BEND6: variants seen among roughly 807,000 people sequenced by gnomAD.
BEND6 encodes the protein BEN domain-containing protein 6.
In BEND6, 24 loss-of-function variants were observed where a neutral mutation model predicts 31.8. The observed-to-expected ratio is 0.75, with a 90% CI of 0.55 to 1.06. The LOEUF is 1.06. Ranked by LOEUF, BEND6 falls within the 50% of genes least tolerant of loss-of-function variation. The probability of loss-of-function intolerance (pLI) is 0.00; values close to 1 mark genes in which losing one functional copy is unlikely to be tolerated. For synonymous variants in BEND6, 109 were observed against 114.6 expected (o/e 0.95, Z 0.31); for missense variants, 294 against 327.4 (o/e 0.90, Z 0.79).
At chr6:56,996,649 C>T (rs567240950) in intron 3 of BEND6, among the ~76,000 whole-genome samples, 1 of 152,290 alleles carries the variant, frequency 6.6e-6, no homozygotes, top group East Asian at 1.9e-4. Flanking sequence ...CTAATGTTAA[C>T]TTCATTGTTC....
At chr6:57,025,663 C>T (rs1425922381) in intron 6 of BEND6, among the ~76,000 whole-genome samples, 1 of 152,338 alleles carries the variant, frequency 6.6e-6, no homozygotes, top group South Asian at 2.1e-4. Flanking sequence ...ACCTTGATCT[C>T]ACTTTTTGCA....
chr6:57,000,449 G>A (rs139897669), intron 3 of BEND6, among the ~76,000 whole-genome samples: 8 of 151,928 alleles, frequency 5.3e-5, no homozygotes, highest in Admixed American at 2.0e-4. Flanking sequence ...CAAACACTGC[G>A]GAAGGCCTAG....
At chr6:56,990,314 A>G (rs987259045) in intron 2 of BEND6, among the ~76,000 whole-genome samples, 2 of 135,166 alleles carry the variant, frequency 1.5e-5, no homozygotes, top group East Asian at 2.2e-4. Flanking sequence ...TGATGTGATC[A>G]TGGCTCACCA....
At chr6:56,964,415 G>A (rs746074091) in intron 1 of BEND6, among the ~76,000 whole-genome samples, 2 of 152,084 alleles carry the variant, frequency 1.3e-5, no homozygotes, top group Non-Finnish European at 2.9e-5. Flanking sequence ...CCTGCTGACT[G>A]TTCTAACAAC....
rs1828886073 is a variant in BEND6 at position 57,017,192 on chromosome 6, TTCTTA to T, written c.520-10_520-6del. ...ACTTTCTTTTTCCAACTTCAACTCT[TTCTTA>T]TCTTTTTAGTTCCAGATTGAAAAAT... On this transcript the variant is annotated splice_polypyrimidine_tract_variant and intron_variant, in intron 4 of 6. Transcript: ENST00000370746. The T allele has an allele frequency of 6.4e-6, 10 of 1,565,636 alleles. No individual in the cohort carries two copies. The highest frequency in any genetic ancestry group is 1.9e-5 in the Admixed American group (1 of 53,078).
At chr6:56,970,488 G>A (rs1825655230) in intron 1 of BEND6, among the ~76,000 whole-genome samples, 1 of 152,080 alleles carries the variant, frequency 6.6e-6, no homozygotes, top group South Asian at 2.1e-4. Context: ...ACCACATATT[G>A]TAAGTGTTAT....
chr6:57,018,606 T>G, intron 6 of BEND6, 49 bp downstream of exon 6: 2 of 1,384,856 alleles, frequency 1.4e-6, no homozygotes, highest in Non-Finnish European at 9.5e-7. Flanking sequence ...GAAAATGTCA[T>G]AATACTTTTA....
intron 1 of BEND6, among the ~76,000 whole-genome samples, chr6:56,967,928 C>T (rs567642850): frequency 1.5e-4 from 23 of 152,298 alleles, no homozygotes; most frequent in African/African-American, 5.3e-4. Flanking sequence ...GTTCCTACCA[C>T]AAAGGGTGTC....
At chr6:56,964,071 A>G (rs1592964813) in intron 1 of BEND6, among the ~76,000 whole-genome samples, 1 of 149,818 alleles carries the variant, frequency 6.7e-6, no homozygotes, top group East Asian at 1.9e-4. Flanking sequence ...ATTATTATAT[A>G]CCTGACATAT....
intron 1 of BEND6, among the ~76,000 whole-genome samples, chr6:56,970,308 C>T (rs953362724): frequency 6.6e-6 from 1 of 152,038 alleles, no homozygotes; most frequent in Non-Finnish European, 1.5e-5. Flanking sequence ...CATTCTTATG[C>T]CTCAGCCTCC....
At chr6:56,987,909 A>C (rs1271200084) in intron 2 of BEND6, among the ~76,000 whole-genome samples, 1 of 152,116 alleles carries the variant, frequency 6.6e-6, no homozygotes, top group East Asian at 1.9e-4. Context: ...ACACAGCTTG[A>C]ATGTTACAAC....
At chr6:56,970,280 C>T (rs1318081016) in intron 1 of BEND6, among the ~76,000 whole-genome samples, 5 of 151,952 alleles carry the variant, frequency 3.3e-5, no homozygotes, top group African/African-American at 1.2e-4. Flanking sequence ...CTACAACCTC[C>T]GCCTCCCAGG....
intron 3 of BEND6, 64 bp from the exon 4 acceptor site, chr6:57,015,069 A>G (rs1317938694): frequency 1.4e-6 from 2 of 1,411,264 alleles, no homozygotes; most frequent in Non-Finnish European, 2.0e-6. Context: ...TCAACAAAAA[A>G]ATATGTACAT....
At chr6:56,973,906 C>A (rs1825781047) in intron 1 of BEND6, among the ~76,000 whole-genome samples, 1 of 152,056 alleles carries the variant, frequency 6.6e-6, no homozygotes, top group Non-Finnish European at 1.5e-5. Flanking sequence ...GGTGCACCAC[C>A]ATGCCCAGCT....
In BEND6 at chr6:57,015,254, G is replaced by T. The variant is rs547117478; in HGVS notation, c.420G>T (p.Ser140=). 6.2e-7 allele frequency: 1 copy of T among 1,613,926 alleles called. No individual in the cohort carries two copies. Reference sequence around the variant, plus strand: ...TCTGGAGAGCAACAAACAACTCCTCGCCAGATTCATTTGCCTCAACATGCA... The same window carrying T: ...TCTGGAGAGCAACAAACAACTCCTCTCCAGATTCATTTGCCTCAACATGCA... ...STLWRATNNS[S]PDSFASTCSN... The change falls in exon 4 of 7, where the codon TCG becomes TCT. Residue 140 remains serine (S), a synonymous_variant. Coordinates refer to ENST00000370746, the MANE Select transcript of BEND6 (RefSeq NM_152731.3).
At chr6:56,993,626 TAG>T (rs1449796009) in intron 3 of BEND6, among the ~76,000 whole-genome samples, 1 of 152,240 alleles carries the variant, frequency 6.6e-6, no homozygotes, top group Non-Finnish European at 1.5e-5. Context: ...TAAGTAGAAA[TAG>T]CCACATGTAA....
chr6:57,007,045 T>A (rs1454096636), intron 3 of BEND6, among the ~76,000 whole-genome samples: 1 of 152,126 alleles, frequency 6.6e-6, no homozygotes, highest in Non-Finnish European at 1.5e-5. Context: ...ATCCTAACAC[T>A]TTGGGGGGCC....
At chr6:56,955,891 T>C (rs1213897778) in intron 1 of BEND6, among the ~76,000 whole-genome samples, 1 of 152,214 alleles carries the variant, frequency 6.6e-6, no homozygotes, top group Non-Finnish European at 1.5e-5. Context: ...CCTCCCCACG[T>C]TTCTTCATAA....
intron 3 of BEND6, among the ~76,000 whole-genome samples, chr6:57,003,417 C>G (rs1827019173): frequency 1.3e-5 from 2 of 152,146 alleles, no homozygotes; most frequent in South Asian, 4.1e-4. Context: ...AGGAGGATTG[C>G]TTGAGCCCGA....
Sources: gnomAD v4.1 joint callset for allele counts (sites outside exome capture counted in the v4.1 genomes callset) on GRCh38, gnomAD v4.1.1 for gene constraint, MANE v1.5 for transcripts, NCBI Gene and HGNC (gene_info 2026-07-23, HGNC 2026-07-21) for gene names.